The following ESRRG variants were observed in gnomAD, a reference collection of about 807,000 sequenced individuals.
ESRRG encodes estrogen related receptor gamma.
Under a neutral mutation model 44.0 loss-of-function variants are expected in ESRRG, and 13 were observed. The observed-to-expected ratio is 0.30, with a 90% CI of 0.19 to 0.47. The LOEUF (loss-of-function observed/expected upper bound fraction) is 0.47, where lower values mean the gene tolerates loss of function less well. ESRRG is among the 20% of genes least tolerant of loss of function. The probability of loss-of-function intolerance (pLI) is 1.00; values close to 1 mark genes in which losing one functional copy is unlikely to be tolerated. For synonymous variants in ESRRG, 215 were observed against 214.6 expected (o/e 1.00, Z -0.02); for missense variants, 395 against 580.6 (o/e 0.68, Z 3.29).
At chr1:216,590,352 A>T (rs762142567) in intron 3 of ESRRG, among the ~76,000 whole-genome samples, 7 of 152,226 alleles carry the variant, frequency 4.6e-5, no homozygotes, top group Non-Finnish European at 1.0e-4. Context: ...TCCAGAAAAA[A>T]AACTCATGAG....
intron 2 of ESRRG, among the ~76,000 whole-genome samples, chr1:216,759,737 T>C (rs1205190216): frequency 6.6e-6 from 1 of 152,148 alleles, no homozygotes; most frequent in Non-Finnish European, 1.5e-5. Context: ...ACTATACTAA[T>C]AGAACAATTT....
chr1:216,713,548 T>C (rs1312564636), intron 1 of ESRRG, among the ~76,000 whole-genome samples: 1 of 152,180 alleles, frequency 6.6e-6, no homozygotes, highest in Non-Finnish European at 1.5e-5. Flanking sequence ...TAACTGCATC[T>C]TCTAACATCA....
Position 217,127,059 on chromosome 1 carries a change from AC to A in ESRRG, c.-230+10607del, listed in dbSNP as rs371755279. On this transcript the variant is annotated intron_variant, in intron 1 of 8. Transcript: ENST00000366940. ...GATTAATTATTAGAGATTTCCAATT[AC>A]GGGGTGTCAACTATACTCACGGTAT... Among the ~76,000 whole-genome samples the A allele has an allele frequency of 2.6e-3, 393 of 152,342 alleles. 1 individual carries two copies. The highest frequency in any genetic ancestry group is 9.1e-3 in the African/African-American group (377 of 41,576).
At chr1:216,930,345 G>A (rs1243902665) in intron 2 of ESRRG, among the ~76,000 whole-genome samples, 1 of 152,040 alleles carries the variant, frequency 6.6e-6, no homozygotes, top group Non-Finnish European at 1.5e-5. Flanking sequence ...ATGAATACCA[G>A]GTGATCCATT....
At chr1:216,922,989 T>C in intron 2 of ESRRG, among the ~76,000 whole-genome samples, 1 of 152,184 alleles carries the variant, frequency 6.6e-6, no homozygotes, top group East Asian at 1.9e-4. Context: ...TTTACTTCTG[T>C]TTATTGCTAT....
chr1:216,956,356 T>A (rs2067953358), intron 1 of ESRRG, among the ~76,000 whole-genome samples: 1 of 152,144 alleles, frequency 6.6e-6, no homozygotes, highest in South Asian at 2.1e-4. Context: ...AAACTCTTTC[T>A]TTCTCTAACA....
At chr1:216,777,427 T>C (rs2093656758) in intron 2 of ESRRG, among the ~76,000 whole-genome samples, 1 of 152,144 alleles carries the variant, frequency 6.6e-6, no homozygotes, top group Non-Finnish European at 1.5e-5. Flanking sequence ...TATGATCTCA[T>C]ATCACACTTC....
chr1:217,129,326 A>C (rs2092929903), intron 1 of ESRRG, among the ~76,000 whole-genome samples: 1 of 152,326 alleles, frequency 6.6e-6, no homozygotes, highest in African/African-American at 2.4e-5. Flanking sequence ...ATCAGAAATA[A>C]AAGGAAAATA....
At chr1:216,628,940 C>T (rs2063639570) in intron 3 of ESRRG, among the ~76,000 whole-genome samples, 1 of 152,182 alleles carries the variant, frequency 6.6e-6, no homozygotes, top group African/African-American at 2.4e-5. Context: ...AACTCTCTCT[C>T]AGCCTCTGAG....
chr1:216,700,918 A>G (rs12034601), intron 1 of ESRRG, among the ~76,000 whole-genome samples: 23,275 of 152,138 alleles, frequency 0.15, 1,814 homozygotes, highest in East Asian at 0.21. Context: ...GAATCCAGCA[A>G]TTATAAGTAG....
chr1:216,557,685 A>G (rs937274781), intron 5 of ESRRG, among the ~76,000 whole-genome samples: 1 of 152,214 alleles, frequency 6.6e-6, no homozygotes, highest in African/African-American at 2.4e-5. Flanking sequence ...AAAAAAATAA[A>G]GCTGAATAAA....
rs74612405 is a variant in ESRRG at position 216,878,862 on chromosome 1, C to A, written c.-14+60720G>T. ...AAATATGGATAAATGGCTAGGAGAT[C>A]TTTATTCTTCCACATAAGTTTCAGA... On this transcript the variant is annotated intron_variant, in intron 2 of 7. Coordinates refer to the ESRRG transcript ENST00000359162. 8.2e-3 allele frequency among the ~76,000 whole-genome samples: 1,250 copies of A among 152,262 alleles called. 24 individuals are homozygous for A. Among genetic ancestry groups the A allele is most frequent in the African/African-American group, 0.028 (1,183 of 41,544 alleles).
At chr1:216,884,181 C>T (rs2096487383) in intron 2 of ESRRG, among the ~76,000 whole-genome samples, 2 of 152,116 alleles carry the variant, frequency 1.3e-5, no homozygotes, top group South Asian at 2.1e-4. Flanking sequence ...CTAGGTTTGT[C>T]AATTTGGTTT....
At chr1:216,924,162 C>T (rs2062204546) in intron 2 of ESRRG, among the ~76,000 whole-genome samples, 1 of 152,118 alleles carries the variant, frequency 6.6e-6, no homozygotes. Context: ...TTTCCCCCTC[C>T]ACAGCTCTGA....
chr1:217,105,866 T>G (rs1558267049), intron 1 of ESRRG, among the ~76,000 whole-genome samples: 2 of 152,228 alleles, frequency 1.3e-5, no homozygotes, highest in Middle Eastern at 6.8e-3. Context: ...GGTGAAAACG[T>G]TGGAGGCCAT....
At chr1:216,511,736 T>C (rs1333611313) in intron 6 of ESRRG, among the ~76,000 whole-genome samples, 2 of 152,164 alleles carry the variant, frequency 1.3e-5, no homozygotes, top group African/African-American at 4.8e-5. Flanking sequence ...ACATGGAATA[T>C]TTTGTCACAC....
intron 1 of ESRRG, among the ~76,000 whole-genome samples, chr1:217,056,745 GACA>G (rs1313395384): frequency 6.6e-6 from 1 of 150,546 alleles, no homozygotes; most frequent in Non-Finnish European, 1.5e-5. Flanking sequence ...CCAAATCCCT[GACA>G]ACATTTAAAA....
At chr1:216,670,576 C>T (rs1559132096) in intron 2 of ESRRG, among the ~76,000 whole-genome samples, 2 of 152,188 alleles carry the variant, frequency 1.3e-5, no homozygotes, top group Admixed American at 1.3e-4. Flanking sequence ...TCCTGAGTAC[C>T]TGAGACCCTC....
Position 216,506,837 on chromosome 1 carries a change from T to A in ESRRG, c.*102A>T. 2 of 1,337,470 alleles carry A rather than the reference T, an allele frequency of 1.5e-6. No individual in the cohort carries two copies. Among genetic ancestry groups the A allele is most frequent in the East Asian group, 4.6e-5 (2 of 43,256 alleles). The allele number at this position is 1,337,470 out of a possible 1,614,324, so 82.9% of individuals were successfully genotyped here. ...CTAAATTATCAGTGCAGTCTGTTGA[T>A]TTTTGATGTTGTTAACTAAACTCTA... On this transcript the variant is annotated 3_prime_UTR_variant, in exon 7 of 7. Transcript: ENST00000408911.
Sources: gnomAD v4.1 joint callset for allele counts (sites outside exome capture counted in the v4.1 genomes callset) on GRCh38, gnomAD v4.1.1 for gene constraint, MANE v1.5 for transcripts, NCBI Gene and HGNC (gene_info 2026-07-23, HGNC 2026-07-21) for gene names.